The following PTPRA variants were observed in gnomAD, a reference collection of about 807,000 sequenced individuals.
PTPRA encodes the protein protein tyrosine phosphatase receptor type A.
PTPRA carries 25 observed loss-of-function variants against 104.8 expected under a neutral mutation model. The observed-to-expected ratio is 0.24, with a 90% CI of 0.17 to 0.33. The LOEUF (loss-of-function observed/expected upper bound fraction) is 0.33. Among genes scored for constraint, PTPRA ranks in the 10% least tolerant of loss-of-function variants. PTPRA has a pLI of 1.00. For missense variants in PTPRA, 765 were observed against 1,015.3 expected, an observed-to-expected ratio of 0.75 and a Z score of 3.35; for synonymous variants, 323 against 368.9, an observed-to-expected ratio of 0.88 and a Z score of 1.43.
rs1244621479 is a variant in PTPRA, at chr20:2,924,229, C to T, written c.-50+944C>T. Among the ~76,000 whole-genome samples, 7 of 152,080 alleles carry T rather than the reference C, an allele frequency of 4.6e-5. No individual in the cohort carries two copies. In the East Asian group the frequency reaches 7.7e-4, roughly 17 times the overall value. ...CCAGCCTGGTCAACATGGTGAAACCCCATCTCTACTAAAATTACAAAAATG... is the reference window on the plus strand; with the variant it reads ...CCAGCCTGGTCAACATGGTGAAACCTCATCTCTACTAAAATTACAAAAATG... On this transcript the variant is annotated intron_variant, in intron 2 of 23. Transcript: ENST00000399903.
intron 1 of PTPRA, among the ~76,000 whole-genome samples, chr20:2,919,998 A>G (rs867972899): frequency 3.3e-5 from 5 of 152,234 alleles, no homozygotes; most frequent in South Asian, 2.1e-4. Context: ...CTACATATCT[A>G]TGACTGCTTT....
At chr20:2,939,813 A>G (rs2060839164) in intron 2 of PTPRA, among the ~76,000 whole-genome samples, 1 of 151,984 alleles carries the variant, frequency 6.6e-6, no homozygotes, top group Non-Finnish European at 1.5e-5. Flanking sequence ...TTCGGTTATA[A>G]TCGGTGGGAA....
intron 5 of PTPRA, among the ~76,000 whole-genome samples, chr20:2,969,243 G>A (rs1398242321): frequency 8.9e-6 from 1 of 112,658 alleles, no homozygotes; most frequent in Admixed American, 9.7e-5. Context: ...AAGTAAAAAG[G>A]TAGAATACCT....
the PTPRA span, among the ~76,000 whole-genome samples, chr20:2,867,295 CAG>C: frequency 2.6e-5 from 4 of 152,214 alleles, no homozygotes; most frequent in Non-Finnish European, 4.4e-5. Flanking sequence ...CCATAGGGGT[CAG>C]GGGGTGGTGG....
chr20:3,007,002 A>C (rs781754847), intron 10 of PTPRA, among the ~76,000 whole-genome samples: 8 of 152,280 alleles, frequency 5.3e-5, no homozygotes, highest in Middle Eastern at 3.4e-3. Flanking sequence ...GTATGTGTAT[A>C]TATAATACAT....
intron 4 of PTPRA, among the ~76,000 whole-genome samples, chr20:2,964,577 C>G (rs1361871137): frequency 6.6e-6 from 1 of 152,152 alleles, no homozygotes; most frequent in African/African-American, 2.4e-5. Context: ...GTGTTCTTTC[C>G]TGAAAAGTAA....
intron 5 of PTPRA, among the ~76,000 whole-genome samples, chr20:2,969,479 T>C (rs1170581624): frequency 6.6e-6 from 1 of 151,086 alleles, no homozygotes; most frequent in Non-Finnish European, 1.5e-5. Flanking sequence ...ACTCCTGACC[T>C]CATGATCCAC....
intron 1 of PTPRA, among the ~76,000 whole-genome samples, chr20:2,902,855 C>T (rs2059287909): frequency 1.3e-5 from 2 of 151,982 alleles, no homozygotes; most frequent in East Asian, 1.9e-4. Flanking sequence ...TCAACTGGCC[C>T]GTTAAAGCCA....
At chr20:2,904,408 T>C (rs2059343207) in intron 1 of PTPRA, among the ~76,000 whole-genome samples, 1 of 152,036 alleles carries the variant, frequency 6.6e-6, no homozygotes, top group African/African-American at 2.4e-5. Flanking sequence ...CGGTGGCTCA[T>C]GCCTATAATC....
chr20:3,020,028 C>T (rs73608103), intron 13 of PTPRA, among the ~76,000 whole-genome samples: 6 of 151,896 alleles, frequency 4.0e-5, no homozygotes, highest in African/African-American at 1.2e-4. Flanking sequence ...GCAGCAGTAC[C>T]GTCCAGCTTC....
At chr20:2,882,379 TCC>T (rs1014872739) in intron 1 of PTPRA, among the ~76,000 whole-genome samples, 1 of 151,412 alleles carries the variant, frequency 6.6e-6, no homozygotes, top group East Asian at 1.9e-4. Flanking sequence ...AGCATTGACC[TCC>T]CAGTCTCAAG....
Position 3,017,672 on chromosome 20 carries a change from C to CG in PTPRA, c.944-140dup, listed in dbSNP as rs1040290186. On this transcript the variant is annotated intron_variant, in intron 12 of 23. Transcript: ENST00000399903. ...AACATGGAAAATACTCAATTAGTAA[C>CG]GGGGTGGATGGATACATGGGTTAGA... 2.2e-4 allele frequency: 139 copies of CG among 646,026 alleles called. 1 individual carries two copies. In the African/African-American group the frequency reaches 2.3e-3, roughly 10 times the overall value. 40.0% of individuals were successfully genotyped at this position (646,026 alleles called of 1,614,324 possible).
intron 11 of PTPRA, among the ~76,000 whole-genome samples, chr20:3,015,605 C>G (rs1307140245): frequency 6.6e-6 from 1 of 152,154 alleles, no homozygotes. Flanking sequence ...CACGCCTGGC[C>G]TGGATTTCTT....
intron 12 of PTPRA, 108 bp from the exon 13 acceptor site, chr20:3,017,708 G>A (rs1362360621): frequency 1.2e-5 from 10 of 839,344 alleles, no homozygotes; most frequent in Non-Finnish European, 1.8e-5. Flanking sequence ...TATTTAGCTG[G>A]GGACATTTGG....
At chr20:2,869,573 T>C (rs913187275), upstream of PTPRA, among the ~76,000 whole-genome samples, 1 of 152,218 alleles carries the variant, frequency 6.6e-6, no homozygotes, top group African/African-American at 2.4e-5. Flanking sequence ...TCGTCCAATG[T>C]ATGACGCTAG....
At chr20:2,989,799 C>CCT (rs2063078120) in intron 9 of PTPRA, among the ~76,000 whole-genome samples, 2 of 152,272 alleles carry the variant, frequency 1.3e-5, no homozygotes, top group East Asian at 3.9e-4. Flanking sequence ...GGGCGGATCA[C>CCT]AAGGTCAGGA....
intron 5 of PTPRA, among the ~76,000 whole-genome samples, chr20:2,966,425 T>C (rs570615864): frequency 1.3e-5 from 2 of 152,248 alleles, no homozygotes; most frequent in Admixed American, 1.3e-4. Flanking sequence ...TAAAGGTGCC[T>C]ACACATGGTA....
rs1356573658 is a variant in PTPRA, at chr20:3,037,366, G to A, written c.2334+77G>A. ...CTCAGGGAGGAGGCTCTTCAGAGGG[G>A]CCCACCCAGTAGTCAGAAGACTGTC... On this transcript the variant is annotated intron_variant, in intron 23 of 23. Coordinates refer to ENST00000399903, the MANE Select transcript of PTPRA (RefSeq NM_001385305.1). This position sits in a 1 kb window ranked among gnomAD's most constrained non-coding sequence, Gnocchi z 4.3. The A allele has an allele frequency of 6.3e-7, 1 of 1,577,650 alleles. No individual in the cohort carries two copies.
intron 1 of PTPRA, 57 bp from the exon 2 acceptor site, chr20:2,923,150 G>C (rs2060158995): frequency 1.3e-6 from 1 of 762,222 alleles, no homozygotes; most frequent in African/African-American, 1.9e-5. Context: ...TCCTAAGCTA[G>C]AACAATCTGC....
Sources: gnomAD v4.1 joint callset for allele counts (sites outside exome capture counted in the v4.1 genomes callset) on GRCh38, gnomAD v4.1.1 for gene constraint, Gnocchi (gnomAD v3.1) non-coding constraint, MANE v1.5 for transcripts, NCBI Gene and HGNC (gene_info 2026-07-23, HGNC 2026-07-21) for gene names.